The following BMPR1B variants were observed in gnomAD, a reference collection of about 807,000 sequenced individuals.
BMPR1B encodes bone morphogenetic protein receptor type-1B.
A neutral mutation model predicts 59.1 loss-of-function variants in BMPR1B; 12 were observed. The ratio of observed to expected loss-of-function variants is 0.20; its 90% CI spans 0.13 to 0.33. BMPR1B has a LOEUF of 0.33. Ranked by LOEUF, BMPR1B falls within the 10% of genes least tolerant of loss-of-function variation. The probability of loss-of-function intolerance (pLI) is 1.00; values close to 1 mark genes in which losing one functional copy is unlikely to be tolerated. For synonymous variants in BMPR1B, 237 were observed against 207.3 expected, an observed-to-expected ratio of 1.14 and a Z score of -1.23; for missense variants, 550 against 610.9, an observed-to-expected ratio of 0.90 and a Z score of 1.05.
At chr4:94,905,735 A>G (rs1177127915) in intron 2 of BMPR1B, among the ~76,000 whole-genome samples, 3 of 151,934 alleles carry the variant, frequency 2.0e-5, no homozygotes, top group Non-Finnish European at 4.4e-5. Context: ...TCTGGCTTCT[A>G]TGGCTTAACT....
intron 1 of BMPR1B, among the ~76,000 whole-genome samples, chr4:94,841,284 C>T (rs1308744775): frequency 2.0e-5 from 3 of 147,924 alleles, no homozygotes; most frequent in African/African-American, 7.5e-5. Context: ...GCTGTGTGGG[C>T]TCCACCCAGT....
intron 1 of BMPR1B, among the ~76,000 whole-genome samples, chr4:94,810,109 TG>T (rs1366612749): frequency 6.6e-6 from 1 of 152,224 alleles, no homozygotes; most frequent in Non-Finnish European, 1.5e-5. Flanking sequence ...GAGAGAATTA[TG>T]TAGGCTGTTG....
intron 3 of BMPR1B, among the ~76,000 whole-genome samples, chr4:95,024,220 T>C (rs1724195904): frequency 6.6e-6 from 1 of 152,230 alleles, no homozygotes; most frequent in Non-Finnish European, 1.5e-5. Context: ...TCTTTGTAAT[T>C]AAAGAAGTGA....
chr4:94,829,011 A>G (rs17500351), intron 1 of BMPR1B, among the ~76,000 whole-genome samples: 17,023 of 151,804 alleles, frequency 0.11, 1,016 homozygotes, highest in Non-Finnish European at 0.13. Context: ...AAGATAATGC[A>G]TTCTTGCCAA....
Position 95,093,236 on chromosome 4 carries a change from T to C in BMPR1B, c.-17-11172T>C, listed in dbSNP as rs539724431. 2.5e-3 allele frequency among the ~76,000 whole-genome samples: 377 copies of C among 152,222 alleles called. 2 individuals carry two copies. The highest frequency in any genetic ancestry group is 8.9e-3 in the African/African-American group (369 of 41,556). On this transcript the variant is annotated intron_variant, in intron 3 of 12. Coordinates refer to ENST00000515059, the MANE Select transcript of BMPR1B (RefSeq NM_001203.3). ...TTGTTGCTTTTATTAAAAATACTTA[T>C]AAACAAGTTGTGTTTTAGAGATTTT...
rs117082722 is a variant in BMPR1B at position 94,778,299 on chromosome 4, T to C, written c.-183+20231T>C. 7.6e-4 allele frequency among the ~76,000 whole-genome samples: 115 copies of C among 152,288 alleles called. 2 individuals are homozygous for C. The East Asian group carries it at 0.019, about 26-fold the overall frequency. ...ATTTTATCATATATGTGTGTATACC[T>C]AACCAGCATATTTTTGAGCTTTATA... On this transcript the variant is annotated intron_variant, in intron 1 of 12. Coordinates refer to ENST00000515059, the MANE Select transcript of BMPR1B (RefSeq NM_001203.3).
At chr4:94,760,479 T>A (rs944197115) in intron 1 of BMPR1B, among the ~76,000 whole-genome samples, 4 of 152,356 alleles carry the variant, frequency 2.6e-5, no homozygotes, top group South Asian at 2.1e-4. Context: ...CAGTTTAAAA[T>A]GTGCTTATCT....
At chr4:95,082,963 G>A (rs988410689) in intron 3 of BMPR1B, among the ~76,000 whole-genome samples, 7 of 148,836 alleles carry the variant, frequency 4.7e-5, no homozygotes, top group East Asian at 4.0e-4. Context: ...GCGTGAACCC[G>A]GGAGGCGGAG....
chr4:95,130,990 G>A (rs1230510401), intron 9 of BMPR1B, among the ~76,000 whole-genome samples: 3 of 151,710 alleles, frequency 2.0e-5, no homozygotes, highest in African/African-American at 7.3e-5. Context: ...ATGGCCTCCC[G>A]ATGTGCTTGG....
chr4:94,951,060 G>A (rs1729914459), intron 2 of BMPR1B, among the ~76,000 whole-genome samples: 1 of 152,054 alleles, frequency 6.6e-6, no homozygotes, highest in South Asian at 2.1e-4. Flanking sequence ...ATGGGAGTTT[G>A]CCCATGATTT....
intron 1 of BMPR1B, among the ~76,000 whole-genome samples, chr4:94,767,691 A>G (rs892772351): frequency 3.3e-5 from 5 of 152,148 alleles, no homozygotes; most frequent in African/African-American, 9.7e-5. Context: ...TCTGGAACCA[A>G]TTTGGAAAAT....
chr4:94,859,833 A>G (rs904240999), intron 1 of BMPR1B, among the ~76,000 whole-genome samples: 1 of 152,170 alleles, frequency 6.6e-6, no homozygotes, highest in Non-Finnish European at 1.5e-5. Context: ...ACTTAATTGC[A>G]TATAAATTAC....
chr4:94,848,623 C>T (rs1163710307), intron 1 of BMPR1B, among the ~76,000 whole-genome samples: 3 of 90,690 alleles, frequency 3.3e-5, no homozygotes, highest in Non-Finnish European at 6.6e-5. Flanking sequence ...TTTTTAGTGA[C>T]ATGGAAAGTC....
chr4:94,877,858 A>G lies in BMPR1B; in HGVS notation c.-113+1958A>G, dbSNP rs1011363479. Among the ~76,000 whole-genome samples, 4 of 152,322 alleles carry G rather than the reference A, an allele frequency of 2.6e-5. No individual in the cohort carries two copies. The South Asian group carries it at 8.3e-4, about 32-fold the overall frequency. Reference sequence around the variant, plus strand: ...AAACAGTATTTTTATTAGTGAAAATAATCTATGCTTATTAGACAAATTTGG... The same window carrying G: ...AAACAGTATTTTTATTAGTGAAAATGATCTATGCTTATTAGACAAATTTGG... On this transcript the variant is annotated intron_variant, in intron 2 of 12. Transcript: ENST00000515059.
At position 94,770,888 on chromosome 4, in the gene BMPR1B, C is replaced by CA. The variant is rs11292596; in HGVS notation, c.-183+12841dup. Among the ~76,000 whole-genome samples, 253 of 88,200 alleles carry CA rather than the reference C, an allele frequency of 2.9e-3. 1 individual carries two copies. The highest frequency in any genetic ancestry group is 5.1e-3 in the African/African-American group (118 of 23,248). 57.9% of individuals were successfully genotyped at this position (88,200 alleles called of 152,430 possible). ...ACTTACCGAGACATGATTAGCCCTGCAAAAAAAAAAAAAAAAAAAAATGAA... is the reference window on the plus strand; with the variant it reads ...ACTTACCGAGACATGATTAGCCCTGCAAAAAAAAAAAAAAAAAAAAAATGAA... On this transcript the variant is annotated intron_variant, in intron 1 of 12. Coordinates refer to ENST00000515059, the MANE Select transcript of BMPR1B (RefSeq NM_001203.3).
At chr4:94,791,283 C>T (rs904676614) in intron 1 of BMPR1B, among the ~76,000 whole-genome samples, 5 of 152,074 alleles carry the variant, frequency 3.3e-5, no homozygotes, top group Non-Finnish European at 5.9e-5. Context: ...GCCAACCCGT[C>T]CAGCCACCAA....
chr4:94,954,503 T>G (rs767050615), intron 2 of BMPR1B, among the ~76,000 whole-genome samples: 1 of 152,186 alleles, frequency 6.6e-6, no homozygotes, highest in Non-Finnish European at 1.5e-5. Context: ...TTACATAGAT[T>G]TCAGTATGTG....
intron 3 of BMPR1B, among the ~76,000 whole-genome samples, chr4:95,053,038 C>T (rs908407520): frequency 8.5e-5 from 13 of 152,094 alleles, no homozygotes; most frequent in Admixed American, 2.6e-4. Context: ...TTGAAATACA[C>T]GAATACTTGG....
intron 2 of BMPR1B, among the ~76,000 whole-genome samples, chr4:94,949,991 C>T (rs189566187): frequency 2.0e-4 from 31 of 152,182 alleles, no homozygotes; most frequent in Admixed American, 5.9e-4. Context: ...TTCTAACTGG[C>T]GTGAGATGAT....
Sources: allele counts gnomAD v4.1 joint callset (sites outside exome capture counted in the v4.1 genomes callset), GRCh38; gene constraint gnomAD v4.1.1; transcripts MANE v1.5; gene names NCBI Gene and HGNC (gene_info 2026-07-23, HGNC 2026-07-21).